Variants in SHOC1 observed in about 807,000 individuals in gnomAD.
SHOC1 encodes the protein shortage in chiasmata 1, also known as protein shortage in chiasmata 1 ortholog.
In SHOC1, 136 loss-of-function variants were observed where a neutral mutation model predicts 179.2. The observed-to-expected ratio is 0.76, with a 90% confidence interval of 0.66 to 0.87. SHOC1 has a LOEUF of 0.87. SHOC1 is among the 40% of genes least tolerant of loss of function. The pLI is 0.00. For missense variants in SHOC1, 1,538 were observed against 1,700.8 expected (o/e 0.90, Z 1.68); for synonymous variants, 489 against 586.6 (o/e 0.83, Z 2.41).
At chr9:111,762,433 G>A (rs929150442) in intron 5 of SHOC1, among the ~76,000 whole-genome samples, 28 of 151,142 alleles carry the variant, frequency 1.9e-4, no homozygotes, top group African/African-American at 6.8e-4. Context: ...TAAAAAAAAA[G>A]AAAGAAAGAA....
At chr9:111,712,973 T>C (rs571739793) in intron 18 of SHOC1, 127 bp downstream of exon 18, 2 of 637,664 alleles carry the variant, frequency 3.1e-6, no homozygotes, top group Non-Finnish European at 5.5e-6. Flanking sequence ...CAATGAGTTA[T>C]ACGCTTTCTA....
intron 15 of SHOC1, among the ~76,000 whole-genome samples, chr9:111,719,915 A>C (rs1832961866): frequency 6.6e-6 from 1 of 152,216 alleles, no homozygotes; most frequent in African/African-American, 2.4e-5. Flanking sequence ...TGAATTTAGA[A>C]AACAGACTTT....
chr9:111,732,261 T>C (rs1264305298), intron 12 of SHOC1, among the ~76,000 whole-genome samples: 1 of 152,190 alleles, frequency 6.6e-6, no homozygotes, highest in Non-Finnish European at 1.5e-5. Flanking sequence ...GACTCAGCAA[T>C]TTGACTCCTA....
intron 5 of SHOC1, among the ~76,000 whole-genome samples, chr9:111,763,637 A>G (rs972256450): frequency 2.0e-5 from 3 of 152,184 alleles, no homozygotes; most frequent in African/African-American, 7.2e-5. Context: ...TTTACTACCT[A>G]CATTCCTATT....
At chr9:111,716,105 C>A (rs1216176103) in intron 16 of SHOC1, among the ~76,000 whole-genome samples, 1 of 152,072 alleles carries the variant, frequency 6.6e-6, no homozygotes, top group Non-Finnish European at 1.5e-5. Flanking sequence ...CTAAAAATGT[C>A]CAAAGCAACT....
chr9:111,741,466 TA>T lies in SHOC1; in HGVS notation c.1174+9del. On this transcript the variant is annotated intron_variant, in intron 11 of 27. Transcript: ENST00000682961. ...TTTCTATTTATCACTTAAAGGCAAT[TA>T]ATCTTTACCTGTAAGCAAAAATGGG... 6.6e-7 allele frequency: 1 copy of T among 1,524,106 alleles called. No individual in the cohort carries two copies. The highest frequency in any genetic ancestry group is 9.1e-7 in the Non-Finnish European group (1 of 1,101,832). The allele number at this position is 1,524,106 out of a possible 1,614,324, so 94.4% of individuals were successfully genotyped here. A position where few individuals can be genotyped will look rare whatever the true frequency, so the allele number is the denominator to read the frequency against.
Position 111,758,704 on chromosome 9 carries a change from T to C in SHOC1, c.587A>G (p.Asn196Ser). Residue 196 changes from asparagine (N) to serine (S), a missense_variant, in exon 6 of 28, where the codon AAT (asparagine) becomes AGT (serine). Physicochemically the swap from Asn to Ser is conservative, Grantham distance 46. Coordinates refer to ENST00000682961, the MANE Select transcript of SHOC1 (RefSeq NM_001378211.1). ...DFKGQIFTEA[N>S]FSRECFSLQE... ...TCAATTAAGTAAGTACCTGGAAAAA[T>C]TAGCTTCTGTGAAGATCTGTCCTTT... is the stretch of plus-strand genomic sequence containing the variant. 2 of 1,574,160 alleles carry C rather than the reference T, an allele frequency of 1.3e-6. No individual in the cohort carries two copies. Among genetic ancestry groups the C allele is most frequent in the Non-Finnish European group, 1.7e-6 (2 of 1,168,518 alleles).
chr9:111,766,655 A>G (rs1187801694), intron 5 of SHOC1, among the ~76,000 whole-genome samples: 18 of 151,998 alleles, frequency 1.2e-4, no homozygotes, highest in Admixed American at 1.2e-3. Context: ...CCTGTTGCCC[A>G]GGCTGGAGTG....
chr9:111,755,457 T>A (rs1834811723), intron 8 of SHOC1, among the ~76,000 whole-genome samples: 1 of 152,184 alleles, frequency 6.6e-6, no homozygotes, highest in Non-Finnish European at 1.5e-5. Flanking sequence ...CTTCCTTTCC[T>A]CCATGATATT....
At chr9:111,783,958 A>G (rs767436431) in intron 3 of SHOC1, among the ~76,000 whole-genome samples, 2 of 152,076 alleles carry the variant, frequency 1.3e-5, no homozygotes, top group Non-Finnish European at 2.9e-5. Context: ...ATGTTCTGAG[A>G]TCAAAGGACG....
At chr9:111,782,062 A>T (rs1211151475) in intron 3 of SHOC1, among the ~76,000 whole-genome samples, 1 of 152,162 alleles carries the variant, frequency 6.6e-6, no homozygotes, top group Non-Finnish European at 1.5e-5. Flanking sequence ...ATAGAAAAAA[A>T]TTATCCAGGC....
At chr9:111,723,769 C>T (rs1481650752) in intron 14 of SHOC1, 23 bp downstream of exon 14, 1 of 1,603,632 alleles carries the variant, frequency 6.2e-7, no homozygotes, top group Non-Finnish European at 8.5e-7. Flanking sequence ...ATCTGAAATG[C>T]ATTTTAAAAG....
In SHOC1 at chr9:111,727,892, T is replaced by G; in HGVS notation, c.1575A>C (p.Ala525=). 1 of 1,613,252 alleles carries G rather than the reference T, an allele frequency of 6.2e-7. No individual in the cohort carries two copies. The highest frequency in any genetic ancestry group is 2.2e-5 in the East Asian group (1 of 44,774). ...GGTCATTCTTTGGTTTTTCTTCTTT[T>G]GCTGCTCCTTTATCAGAGAAATAGT... ...SDDYFSDKGA[A]KEEKPKNDQE... is the part of the protein sequence containing the mutation. Residue 525 remains alanine, a synonymous_variant, in exon 13 of 28, where the codon GCA becomes GCC. Coordinates refer to ENST00000682961, the MANE Select transcript of SHOC1 (RefSeq NM_001378211.1).
intron 27 of SHOC1, among the ~76,000 whole-genome samples, chr9:111,689,038 C>A (rs766303460): frequency 2.0e-5 from 3 of 151,910 alleles, no homozygotes; most frequent in African/African-American, 4.8e-5. Flanking sequence ...TAATAATTAT[C>A]CCTGGGGATA....
chr9:111,748,465 C>A (rs186577587), intron 8 of SHOC1, among the ~76,000 whole-genome samples: 13 of 152,252 alleles, frequency 8.5e-5, no homozygotes. Context: ...TACATAATCA[C>A]TGGAAGGTAA....
At position 111,703,897 on chromosome 9, in the gene SHOC1, G is replaced by A; in HGVS notation, c.2951C>T (p.Thr984Ile). ...TAGTTTTACCTGCAAAATTATGGCA[G>A]TGTGTTCATCAATTGTCACCACTAC... ...CYVVVTIDEH[T>I]AIILQDLEEL... is the part of the protein sequence containing the mutation. The change falls in exon 22 of 28, where the codon ACT becomes ATT. Residue 984 changes from threonine to isoleucine, a missense_variant. Coordinates refer to ENST00000682961, the MANE Select transcript of SHOC1 (RefSeq NM_001378211.1). The A allele has an allele frequency of 6.3e-7, 1 of 1,592,838 alleles. No individual in the cohort carries two copies. The highest frequency in any genetic ancestry group is 8.6e-7 in the Non-Finnish European group (1 of 1,164,776).
intron 11 of SHOC1, among the ~76,000 whole-genome samples, chr9:111,739,402 G>C (rs1474107856): frequency 6.6e-6 from 1 of 151,936 alleles, no homozygotes; most frequent in Non-Finnish European, 1.5e-5. Flanking sequence ...CACAATCAAG[G>C]TAATGAACAT....
At chr9:111,783,707 G>A (rs1836163131) in intron 3 of SHOC1, among the ~76,000 whole-genome samples, 1 of 152,138 alleles carries the variant, frequency 6.6e-6, no homozygotes, top group South Asian at 2.1e-4. Context: ...TTGAGAAGCA[G>A]GTTCACTGTA....
At chr9:111,755,986 G>A (rs1834836844) in intron 8 of SHOC1, among the ~76,000 whole-genome samples, 1 of 152,038 alleles carries the variant, frequency 6.6e-6, no homozygotes, top group Non-Finnish European at 1.5e-5. Flanking sequence ...GCCAGGTGTG[G>A]TGGTGCATGC....
Sources: gnomAD v4.1 joint callset for allele counts (sites outside exome capture counted in the v4.1 genomes callset) on GRCh38, gnomAD v4.1.1 for gene constraint, MANE v1.5 for transcripts, NCBI Gene and HGNC (gene_info 2026-07-23, HGNC 2026-07-21) for gene names.